The following PDPN variants were observed in gnomAD, a reference collection of about 807,000 sequenced individuals.
The protein encoded by PDPN is podoplanin.
PDPN carries 12 observed loss-of-function variants against 23.2 expected under a neutral mutation model. The observed-to-expected ratio is 0.52, with a 90% CI of 0.33 to 0.84. The LOEUF (loss-of-function observed/expected upper bound fraction) is 0.84. Ranked by LOEUF, PDPN falls within the 40% of genes least tolerant of loss-of-function variation. PDPN has a pLI of 0.02. For synonymous variants in PDPN, 77 were observed against 76.7 expected, an observed-to-expected ratio of 1.00 and a Z score of -0.02; for missense variants, 199 against 212.2, an observed-to-expected ratio of 0.94 and a Z score of 0.39.
intron 1 of PDPN, among the ~76,000 whole-genome samples, chr1:13,593,665 G>A (rs1002475256): frequency 6.6e-6 from 1 of 152,124 alleles, no homozygotes; most frequent in Non-Finnish European, 1.5e-5. Flanking sequence ...AGATGCAAAG[G>A]GGCTTCTTTT....
chr1:13,608,135 G>A (rs1640840327), intron 2 of PDPN, among the ~76,000 whole-genome samples: 1 of 152,112 alleles, frequency 6.6e-6, no homozygotes, highest in Admixed American at 6.6e-5. Context: ...AAGTCAGTCA[G>A]TCTCAATTTG....
At chr1:13,596,999 C>T (rs1409369315) in intron 1 of PDPN, among the ~76,000 whole-genome samples, 1 of 152,120 alleles carries the variant, frequency 6.6e-6, no homozygotes, top group Non-Finnish European at 1.5e-5. Context: ...TTTCAGGCTT[C>T]TGGGCTCAGT....
intron 1 of PDPN, among the ~76,000 whole-genome samples, chr1:13,591,439 C>A (rs949565410): frequency 1.2e-4 from 19 of 152,168 alleles, no homozygotes; most frequent in African/African-American, 4.3e-4. Context: ...GCGACCATCA[C>A]CACTATCAAT....
intron 1 of PDPN, among the ~76,000 whole-genome samples, chr1:13,589,463 G>T (rs1417085378): frequency 1.3e-5 from 2 of 152,130 alleles, no homozygotes; most frequent in African/African-American, 4.8e-5. Context: ...TGTTAATAGC[G>T]CTAACAATAT....
intron 1 of PDPN, among the ~76,000 whole-genome samples, chr1:13,594,413 C>G (rs904245389): frequency 6.6e-6 from 1 of 152,066 alleles, no homozygotes; most frequent in African/African-American, 2.4e-5. Context: ...CTTGGCAGCC[C>G]CTCCTCAATA....
chr1:13,597,829 G>T (rs1640534892), intron 1 of PDPN, among the ~76,000 whole-genome samples: 1 of 151,808 alleles, frequency 6.6e-6, no homozygotes, highest in Non-Finnish European at 1.5e-5. Context: ...AACCCAATTA[G>T]CCAGGCATGG....
intron 1 of PDPN, among the ~76,000 whole-genome samples, chr1:13,603,424 A>G (rs564957499): frequency 5.3e-5 from 8 of 152,278 alleles, no homozygotes; most frequent in African/African-American, 1.4e-4. Flanking sequence ...AATGTGTGCA[A>G]TCTAGCGAGT....
Position 13,601,063 on chromosome 1 carries a change from A to G in PDPN, c.68-6110A>G, listed in dbSNP as rs150582949. Reference sequence around the variant, plus strand: ...TCTTCCACGTTAAGTGGAATTTACAATGCTGCGTCAGTGCCAGATCTTGAA... The same window carrying G: ...TCTTCCACGTTAAGTGGAATTTACAGTGCTGCGTCAGTGCCAGATCTTGAA... On this transcript the variant is annotated intron_variant, in intron 1 of 5. Transcript: ENST00000621990. Among the ~76,000 whole-genome samples the G allele has an allele frequency of 5.1e-3, 781 of 152,340 alleles. 6 individuals carry two copies. The highest frequency in any genetic ancestry group is 8.6e-3 in the Non-Finnish European group (585 of 68,034).
At chr1:13,611,497 C>T (rs1050213195) in intron 3 of PDPN, among the ~76,000 whole-genome samples, 6 of 152,118 alleles carry the variant, frequency 3.9e-5, no homozygotes, top group Non-Finnish European at 8.8e-5. Context: ...CTGCATGTCT[C>T]TACTTATATG....
rs542490261 is a variant in PDPN at position 13,616,619 on chromosome 1, C to T, written c.*708C>T. 2 of 152,522 alleles carry T rather than the reference C, an allele frequency of 1.3e-5. No homozygotes were observed. Among genetic ancestry groups the T allele is most frequent in the African/African-American group, 4.8e-5 (2 of 41,580 alleles). 9.4% of individuals were successfully genotyped at this position (152,522 alleles called of 1,614,324 possible). On this transcript the variant is annotated 3_prime_UTR_variant, in exon 6 of 6. Coordinates refer to ENST00000621990, the MANE Select transcript of PDPN (RefSeq NM_006474.5). ...CCTCTAGAGTTGCTTTACCCAAATC[C>T]TTCTCCAGCCATGACTTGGTGACTC...
chr1:13,607,067 A>C, intron 1 of PDPN, 106 bp from the exon 2 acceptor site: 1 of 1,351,322 alleles, frequency 7.4e-7, no homozygotes, highest in Non-Finnish European at 1.0e-6. Flanking sequence ...AATAAAACAA[A>C]AATTTCCAAA....
intron 1 of PDPN, among the ~76,000 whole-genome samples, chr1:13,592,674 G>A (rs1055469340): frequency 6.7e-6 from 1 of 149,992 alleles, no homozygotes; most frequent in Non-Finnish European, 1.5e-5. Flanking sequence ...CTCAGCCTCC[G>A]AGTAGCTGGG....
intron 3 of PDPN, among the ~76,000 whole-genome samples, chr1:13,612,919 C>T (rs763416420): frequency 6.5e-4 from 98 of 151,520 alleles, no homozygotes; most frequent in Non-Finnish European, 7.4e-5. Context: ...TTTTCTCTAT[C>T]TGCAAACTAG....
chr1:13,592,712 C>T (rs1373623863), intron 1 of PDPN, among the ~76,000 whole-genome samples: 3 of 152,074 alleles, frequency 2.0e-5, no homozygotes, highest in Non-Finnish European at 2.9e-5. Flanking sequence ...CCACACCCGG[C>T]TAATTTTTGT....
intron 1 of PDPN, among the ~76,000 whole-genome samples, chr1:13,591,280 G>A (rs1640337783): frequency 6.6e-6 from 1 of 152,122 alleles, no homozygotes; most frequent in Admixed American, 6.5e-5. Flanking sequence ...AGACTTAACA[G>A]TTCAGCATTT....
chr1:13,605,685 T>A (rs12136321), intron 1 of PDPN, among the ~76,000 whole-genome samples: 1 of 152,026 alleles, frequency 6.6e-6, no homozygotes, highest in Non-Finnish European at 1.5e-5. Context: ...TGCAGTGGTG[T>A]GATCTTGGCT....
At chr1:13,585,361 ACT>A in intron 1 of PDPN, 1 of 508,406 alleles carries the variant, frequency 2.0e-6, no homozygotes, top group Non-Finnish European at 3.1e-6. Flanking sequence ...GGACTGAGCA[ACT>A]CTTTTTATAG....
At chr1:13,610,665 A>G in intron 3 of PDPN, 149 bp downstream of exon 3, 1 of 770,452 alleles carries the variant, frequency 1.3e-6, no homozygotes, top group Non-Finnish European at 2.1e-6. Context: ...TAGGTTCAGA[A>G]TTCTATTTCA....
Position 13,616,896 on chromosome 1 carries a change from GAAATA to G in PDPN, c.*990_*994del, listed in dbSNP as rs1641086451. 6.6e-6 allele frequency: 1 copy of G among 152,196 alleles called. No homozygotes were observed. Among genetic ancestry groups the G allele is most frequent in the Non-Finnish European group, 1.5e-5 (1 of 68,044 alleles). The allele number at this position is 152,196 out of a possible 1,614,324, so 9.4% of individuals were successfully genotyped here. On this transcript the variant is annotated 3_prime_UTR_variant, in exon 6 of 6. Transcript: ENST00000621990. The stretch of plus-strand genomic sequence containing the variant: ...AATCCTGTGTGAGCCTCTGGTATGA[GAAATA>G]AAATCTGCCAGTTTTATAACATTCA...
Sources: allele counts gnomAD v4.1 joint callset (sites outside exome capture counted in the v4.1 genomes callset), GRCh38; gene constraint gnomAD v4.1.1; transcripts MANE v1.5; gene names NCBI Gene and HGNC (gene_info 2026-07-23, HGNC 2026-07-21).